The following ELAVL4 variants were observed in gnomAD, a reference collection of about 807,000 sequenced individuals.
ELAVL4 encodes ELAV like RNA binding protein 4, also known as ELAV-like protein 4.
In ELAVL4, 1 loss-of-function variant was observed where a neutral mutation model predicts 35.6. That is an observed-to-expected ratio of 0.03 (90% confidence interval 0.01 to 0.13). The LOEUF (loss-of-function observed/expected upper bound fraction) is 0.13. Among genes scored for constraint, ELAVL4 ranks in the 10% least tolerant of loss-of-function variants. The pLI is 1.00. For missense variants in ELAVL4, 267 were observed against 464.9 expected (o/e 0.57, Z 3.91); for synonymous variants, 156 against 171.0 (o/e 0.91, Z 0.69).
At chr1:50,059,672 G>A (rs767873513) in intron 1 of ELAVL4, among the ~76,000 whole-genome samples, 7 of 152,084 alleles carry the variant, frequency 4.6e-5, no homozygotes, top group Non-Finnish European at 5.9e-5. Context: ...GTTCATAGAG[G>A]CATTATTCAT....
At chr1:50,124,991 T>C (rs1424394661) in intron 1 of ELAVL4, among the ~76,000 whole-genome samples, 1 of 152,120 alleles carries the variant, frequency 6.6e-6, no homozygotes, top group Non-Finnish European at 1.5e-5. Context: ...GACACTGTTC[T>C]AGGTAATGGT....
chr1:50,184,356 C>T (rs1332728421), intron 3 of ELAVL4, among the ~76,000 whole-genome samples: 1 of 147,388 alleles, frequency 6.8e-6, no homozygotes, highest in Non-Finnish European at 1.5e-5. Context: ...CTTTAGCTGT[C>T]TTCAAGTGTA....
chr1:50,200,307 TA>T (rs879257216), intron 6 of ELAVL4, among the ~76,000 whole-genome samples: 80 of 145,826 alleles, frequency 5.5e-4, no homozygotes, highest in East Asian at 2.4e-3. Context: ...AATCTGCCTT[TA>T]AAAAAAAAAA....
rs1439254089 is a variant in ELAVL4, at chr1:50,075,164, C to A, written c.18+26982C>A. On this transcript the variant is annotated intron_variant, in intron 1 of 6. Transcript: ENST00000448907. ...TGTGAGTGTAAAGGCCCTAGGGCAG[C>A]CATGTTTAAGACGATGTAAGGCCAC... Among the ~76,000 whole-genome samples the A allele has an allele frequency of 2.6e-5, 4 of 151,956 alleles. No homozygotes were observed. In the East Asian group the frequency reaches 7.7e-4, roughly 29 times the overall value.
At chr1:50,139,082 G>A (rs1215472590) in intron 1 of ELAVL4, among the ~76,000 whole-genome samples, 1 of 152,166 alleles carries the variant, frequency 6.6e-6, no homozygotes, top group Non-Finnish European at 1.5e-5. Context: ...GTGCTCAGTA[G>A]GTGACTGGTT....
chr1:50,149,615 C>T (rs1471831415), intron 2 of ELAVL4, among the ~76,000 whole-genome samples: 1 of 145,884 alleles, frequency 6.9e-6, no homozygotes, highest in African/African-American at 2.5e-5. Flanking sequence ...GCAATCTCGG[C>T]TCACTGCAAC....
At chr1:50,104,581 C>G (rs567499322), upstream of ELAVL4, among the ~76,000 whole-genome samples, 17 of 152,322 alleles carry the variant, frequency 1.1e-4, no homozygotes, top group Admixed American at 9.8e-4. Context: ...GAAAATATTA[C>G]TGTCAACACC....
intron 1 of ELAVL4, among the ~76,000 whole-genome samples, chr1:50,083,367 C>T (rs1047142823): frequency 1.3e-5 from 2 of 152,124 alleles, no homozygotes; most frequent in African/African-American, 4.8e-5. Flanking sequence ...ACCAGGCATT[C>T]TATAAGACTT....
intron 1 of ELAVL4, among the ~76,000 whole-genome samples, chr1:50,086,626 C>T (rs940811100): frequency 1.3e-5 from 2 of 152,028 alleles, no homozygotes; most frequent in African/African-American, 4.8e-5. Context: ...TGACTCTCTG[C>T]AATGGAATTA....
At chr1:50,049,503 A>C (rs1050601051) in intron 1 of ELAVL4, among the ~76,000 whole-genome samples, 3 of 152,220 alleles carry the variant, frequency 2.0e-5, no homozygotes, top group Non-Finnish European at 4.4e-5. Flanking sequence ...CAAAAGGTTC[A>C]ATCCAGATGT....
chr1:50,185,280 C>G (rs1681650866), intron 3 of ELAVL4, among the ~76,000 whole-genome samples: 1 of 152,172 alleles, frequency 6.6e-6, no homozygotes, highest in South Asian at 2.1e-4. Context: ...AAGTCAAGTT[C>G]CAGCTCTGTC....
At chr1:50,126,071 C>T (rs2494885) in intron 1 of ELAVL4, among the ~76,000 whole-genome samples, 35,414 of 151,970 alleles carry the variant, frequency 0.23, 5,275 homozygotes, top group East Asian at 0.42. Context: ...TTAAAATAAG[C>T]TCAGTCCCCC....
chr1:50,074,133 G>T (rs1572132288), intron 1 of ELAVL4, among the ~76,000 whole-genome samples: 1 of 152,304 alleles, frequency 6.6e-6, no homozygotes, highest in East Asian at 1.9e-4. Context: ...GGCTGGCTGG[G>T]CTGTGCTTCT....
At position 50,195,677 on chromosome 1, in the gene ELAVL4, T is replaced by C; in HGVS notation, c.625T>C (p.Phe209Leu). The change falls in exon 5 of 7, where the codon TTT becomes CTT. Residue 209 changes from phenylalanine to leucine, a missense_variant. Physicochemically the swap from Phe to Leu is conservative, Grantham distance 22 (BLOSUM62 0). Transcript: ENST00000371824. Reference sequence around the variant, plus strand: ...TGCTACGGAACCGATTACTGTGAAGTTTGCCAACAACCCCAGCCAGAAGTC... The same window carrying C: ...TGCTACGGAACCGATTACTGTGAAGCTTGCCAACAACCCCAGCCAGAAGTC... The part of the protein sequence containing the change: ...SGATEPITVK[F>L]ANNPSQKSSQ... The C allele has an allele frequency of 1.9e-6, 3 of 1,614,026 alleles. No individual in the cohort carries two copies. The highest frequency in any genetic ancestry group is 1.7e-6 in the Non-Finnish European group (2 of 1,179,976).
chr1:50,071,701 A>G (rs1664532959), intron 1 of ELAVL4, among the ~76,000 whole-genome samples: 1 of 152,300 alleles, frequency 6.6e-6, no homozygotes, highest in South Asian at 2.1e-4. Context: ...AACTGTAACC[A>G]AACTGGATGG....
intron 2 of ELAVL4, among the ~76,000 whole-genome samples, chr1:50,152,926 A>G (rs552588156): frequency 1.3e-5 from 2 of 152,332 alleles, no homozygotes; most frequent in South Asian, 4.1e-4. Context: ...CTACTCTCTC[A>G]GACCAAATAG....
At chr1:50,111,902 A>G (rs1241282140) in intron 1 of ELAVL4, among the ~76,000 whole-genome samples, 10 of 152,104 alleles carry the variant, frequency 6.6e-5, no homozygotes, top group African/African-American at 2.4e-4. Flanking sequence ...AACAATTGAA[A>G]TGGTGATCTG....
In ELAVL4 at chr1:50,073,742, G is replaced by A. The variant is rs571563641; in HGVS notation, c.18+25560G>A. ...CTGGAGTTTGAGGAATAATGGCTTC[G>A]TAAATGAGAAAAACACCAAGAGCTT... On this transcript the variant is annotated intron_variant, in intron 1 of 6. Coordinates refer to the ELAVL4 transcript ENST00000448907. Among the ~76,000 whole-genome samples the A allele has an allele frequency of 2.2e-4, 33 of 152,118 alleles. 1 individual carries two copies. Among genetic ancestry groups the A allele is most frequent in the South Asian group, 6.2e-4 (3 of 4,816 alleles).
chr1:50,139,788 G>C (rs1442487705), intron 1 of ELAVL4, among the ~76,000 whole-genome samples: 1 of 152,094 alleles, frequency 6.6e-6, no homozygotes, highest in Non-Finnish European at 1.5e-5. Context: ...AGATATAAAC[G>C]ACCCTGGTGA....
Sources: gnomAD v4.1 joint callset for allele counts (sites outside exome capture counted in the v4.1 genomes callset) on GRCh38, gnomAD v4.1.1 for gene constraint, MANE v1.5 for transcripts, NCBI Gene and HGNC (gene_info 2026-07-23, HGNC 2026-07-21) for gene names.